TAF4: variants seen among roughly 807,000 people sequenced by gnomAD.
TAF4 encodes transcription initiation factor TFIID subunit 4.
Under a neutral mutation model 90.3 loss-of-function variants are expected in TAF4, and 9 were observed. That is an observed-to-expected ratio of 0.10 (90% CI 0.06 to 0.17). TAF4 has a LOEUF of 0.17. Ranked by LOEUF, TAF4 falls within the 10% of genes least tolerant of loss-of-function variation. The probability of loss-of-function intolerance (pLI) is 1.00; values close to 1 mark genes in which losing one functional copy is unlikely to be tolerated. For synonymous variants in TAF4, 818 were observed against 638.9 expected (o/e 1.28, Z -4.23); for missense variants, 1,351 against 1,370.7 (o/e 0.99, Z 0.23).
intron 9 of TAF4, among the ~76,000 whole-genome samples, chr20:62,002,106 C>T (rs539918043): frequency 1.8e-4 from 27 of 152,316 alleles, no homozygotes; most frequent in African/African-American, 6.0e-4. Context: ...GCCGCTGACT[C>T]CTTGACAGCA....
chr20:62,015,188 G>A (rs1489747282), intron 1 of TAF4, among the ~76,000 whole-genome samples: 1 of 152,204 alleles, frequency 6.6e-6, no homozygotes, highest in African/African-American at 2.4e-5. Context: ...GAGGGAGGGT[G>A]GGCCACGAGG....
At chr20:62,047,299 C>T (rs1232404378) in intron 1 of TAF4, among the ~76,000 whole-genome samples, 2 of 152,182 alleles carry the variant, frequency 1.3e-5, no homozygotes, top group East Asian at 1.9e-4. Flanking sequence ...CTCCTTACCC[C>T]GAGAGGTCAC....
chr20:61,998,904 C>T, intron 12 of TAF4, 79 bp downstream of exon 12: 1 of 1,562,696 alleles, frequency 6.4e-7, no homozygotes, highest in African/African-American at 1.3e-5. Context: ...CACCCAAAAC[C>T]CCACTGTCTC....
At chr20:61,984,009 G>A (rs1171767393) in intron 14 of TAF4, among the ~76,000 whole-genome samples, 1 of 152,158 alleles carries the variant, frequency 6.6e-6, no homozygotes. Context: ...AAACAACACA[G>A]CAGCCCCTAC....
chr20:61,999,871 C>G (rs2055687924), intron 11 of TAF4, among the ~76,000 whole-genome samples: 1 of 152,236 alleles, frequency 6.6e-6, no homozygotes, highest in Non-Finnish European at 1.5e-5. Context: ...ATCGCTTGAA[C>G]CCACGAGGCG....
rs191914083 is a variant in TAF4, at chr20:62,040,905, G to A, written c.1360+23546C>T. On this transcript the variant is annotated intron_variant, in intron 1 of 14. Transcript: ENST00000252996. ...CTTGAACACAAATGTTCAAAAAGAA[G>A]CTTTATTCGTAATAGCCAAAAACTG... Among the ~76,000 whole-genome samples, 275 of 152,356 alleles carry A rather than the reference G, an allele frequency of 1.8e-3. 1 individual carries two copies. Among genetic ancestry groups the A allele is most frequent in the African/African-American group, 6.4e-3 (265 of 41,588 alleles).
chr20:62,038,091 CG>C lies in TAF4; in HGVS notation c.1361-23385del, dbSNP rs370216883. On this transcript the variant is annotated intron_variant, in intron 1 of 14. Coordinates refer to ENST00000252996, the MANE Select transcript of TAF4 (RefSeq NM_003185.4). ...TCGCCCAGGCTGGAGTGCAGTGGCG[CG>C]ATCTCGGCTCACAGCAAGCTCCGCC... 1,035 of 152,204 alleles carry C rather than the reference CG, an allele frequency of 6.8e-3. 4 individuals are homozygous for C. Among genetic ancestry groups the C allele is most frequent in the Non-Finnish European group, 9.1e-3 (620 of 68,078 alleles). 9.4% of individuals were successfully genotyped at this position (152,204 alleles called of 1,614,324 possible). A position where few individuals can be genotyped will look rare whatever the true frequency, so the allele number is the denominator to read the frequency against.
rs768120410 is a variant in TAF4, at chr20:62,000,569, C to A, written c.2639G>T (p.Arg880Ile). The A allele has an allele frequency of 6.2e-7, 1 of 1,613,634 alleles. No individual in the cohort carries two copies. Among genetic ancestry groups the A allele is most frequent in the Non-Finnish European group, 8.5e-7 (1 of 1,179,618 alleles). The change falls in exon 10 of 15, where the codon AGA becomes ATA. Residue 880 changes from arginine (R) to isoleucine (I), a missense_variant. By Grantham distance (97) the Arg-to-Ile change is moderately conservative. Coordinates refer to ENST00000252996, the MANE Select transcript of TAF4 (RefSeq NM_003185.4). ...ETFLLQAPLQ[R>I]RILEIGKKHG... is the part of the protein sequence containing the mutation. Reference sequence around the variant, plus strand: ...CAACGTACCTATTTCTAATATTCTTCTCTGCAAAGGCGCTTGGAGGAGGAA... The same window carrying A: ...CAACGTACCTATTTCTAATATTCTTATCTGCAAAGGCGCTTGGAGGAGGAA...
intron 9 of TAF4, among the ~76,000 whole-genome samples, chr20:62,001,152 T>C (rs1208496512): frequency 6.6e-6 from 1 of 152,190 alleles, no homozygotes; most frequent in African/African-American, 2.4e-5. Context: ...CTAACCTGAC[T>C]TTCCTCCACC....
chr20:62,060,299 G>A (rs1057409854), intron 1 of TAF4, among the ~76,000 whole-genome samples: 5 of 152,246 alleles, frequency 3.3e-5, no homozygotes, highest in African/African-American at 7.2e-5. Context: ...CAGGGCAACC[G>A]TAACGAACTT....
intron 3 of TAF4, among the ~76,000 whole-genome samples, chr20:62,011,628 G>A (rs930247940): frequency 2.0e-5 from 3 of 152,198 alleles, no homozygotes; most frequent in African/African-American, 7.2e-5. Flanking sequence ...CAGCCAGCCA[G>A]GACATGACCC....
In TAF4 at chr20:62,064,643, G is replaced by A; in HGVS notation, c.1168C>T (p.Pro390Ser). Residue 390 changes from proline (P) to serine (S), a missense_variant, in exon 1 of 15, where the codon CCG becomes TCG. This residue lies in a region of TAF4 where 782 missense variants were observed against 536.6 expected (regional missense o/e 1.46). Transcript: ENST00000252996. ...GTGGGGGTCCCGGGGGCGGGCGGCG[G>A]GACGGCGGCCGGGCTGGGCAGCGCC... ...QGALPSPAAVPPPAPGTPTGL... is the reference protein window; with the variant it reads ...QGALPSPAAVSPPAPGTPTGL... 4 of 1,332,748 alleles carry A rather than the reference G, an allele frequency of 3.0e-6. No individual in the cohort carries two copies. Among genetic ancestry groups the A allele is most frequent in the Non-Finnish European group, 3.8e-6 (4 of 1,048,602 alleles). The allele number at this position is 1,332,748 out of a possible 1,614,324, so 82.6% of individuals were successfully genotyped here.
At chr20:61,989,342 G>C (rs548422976) in intron 14 of TAF4, among the ~76,000 whole-genome samples, 8 of 152,288 alleles carry the variant, frequency 5.3e-5, no homozygotes, top group Admixed American at 3.9e-4. Flanking sequence ...AGTGCACGTG[G>C]CAATAAGGAA....
At chr20:62,002,166 TC>T (rs1821227077) in intron 9 of TAF4, among the ~76,000 whole-genome samples, 1 of 152,208 alleles carries the variant, frequency 6.6e-6, no homozygotes. Context: ...CCCGTGTATG[TC>T]CCTAAGTGCC....
rs762203897 is a variant in TAF4, at chr20:62,027,884, GC to G, written c.1361-13178del. Among the ~76,000 whole-genome samples the G allele has an allele frequency of 8.7e-4, 133 of 152,330 alleles. 2 individuals carry two copies. Among genetic ancestry groups the G allele is most frequent in the Non-Finnish European group, 2.1e-4 (14 of 68,022 alleles). On this transcript the variant is annotated intron_variant, in intron 1 of 14. Coordinates refer to ENST00000252996, the MANE Select transcript of TAF4 (RefSeq NM_003185.4). The stretch of plus-strand genomic sequence containing the variant: ...GTGACTGAGAAACAGCCTCCCGCCT[GC>G]CCCTTGACCCCTCTCAGTTCCCTGC...
Position 62,000,624 on chromosome 20 carries a change from T to C in TAF4, c.2584A>G (p.Thr862Ala), listed in dbSNP as rs758684573. 3 of 1,614,280 alleles carry C rather than the reference T, an allele frequency of 1.9e-6. No individual in the cohort carries two copies. The highest frequency in any genetic ancestry group is 2.5e-6 in the Non-Finnish European group (3 of 1,180,038). The change falls in exon 10 of 15, where the codon ACG (threonine) becomes GCG (alanine). Residue 862 changes from threonine to alanine, a missense_variant. By Grantham distance (58) the Thr-to-Ala change is moderately conservative. Coordinates refer to ENST00000252996, the MANE Select transcript of TAF4 (RefSeq NM_003185.4). Reference protein sequence around the residue: ...ILATNSELVGTLTRSCKDETF... With the variant: ...ILATNSELVGALTRSCKDETF... The stretch of plus-strand genomic sequence containing the variant: ...TCATCTTTACAGGACCGCGTTAGCG[T>C]GCCCACCAATTCAGAGTTCGTGGCT...
Position 62,065,047 on chromosome 20 carries a change from G to A in TAF4, c.764C>T (p.Pro255Leu), listed in dbSNP as rs1261047273. ...GAAAPPAPAA[P>L]SPPAAPAPAA... ...GGGCGCGGGGGCGGCGGGGGGCGAG[G>A]GCGCGGCGGGCGCGGGGGGCGCGGC... is the stretch of plus-strand genomic sequence containing the variant. Residue 255 changes from proline to leucine, a missense_variant, in exon 1 of 15, where the codon CCC becomes CTC. Around this residue, in one of 9 missense-constraint regions of TAF4, gnomAD observed 782 missense variants for 536.6 expected, o/e 1.46. Coordinates refer to ENST00000252996, the MANE Select transcript of TAF4 (RefSeq NM_003185.4). The A allele has an allele frequency of 6.7e-6, 5 of 747,542 alleles. No individual in the cohort carries two copies. In the Admixed American group the frequency reaches 2.1e-4, roughly 31 times the overall value. 46.3% of individuals were successfully genotyped at this position (747,542 alleles called of 1,614,324 possible).
chr20:62,012,018 T>G (rs2055781750), intron 3 of TAF4: 1 of 152,292 alleles, frequency 6.6e-6, no homozygotes. Flanking sequence ...CAGAACAGCC[T>G]GGCCTGCACA....
intron 1 of TAF4, among the ~76,000 whole-genome samples, chr20:62,021,757 C>T (rs1319366417): frequency 1.3e-5 from 2 of 151,580 alleles, no homozygotes; most frequent in African/African-American, 4.8e-5. Flanking sequence ...AAGCTCTGCT[C>T]TTCAAAACAG....
Sources: allele counts gnomAD v4.1 joint callset (sites outside exome capture counted in the v4.1 genomes callset), GRCh38; gene constraint gnomAD v4.1.1; regional missense constraint gnomAD v4.1.1; transcripts MANE v1.5; gene names NCBI Gene and HGNC (gene_info 2026-07-23, HGNC 2026-07-21).